COP1: variants seen among roughly 807,000 people sequenced by gnomAD.
COP1 encodes E3 ubiquitin-protein ligase COP1.
In COP1, 24 loss-of-function variants were observed where a neutral mutation model predicts 101.3. The ratio of observed to expected loss-of-function variants is 0.24; its 90% CI spans 0.17 to 0.33. COP1 has a LOEUF of 0.33. Ranked by LOEUF, COP1 falls within the 10% of genes least tolerant of loss-of-function variation. The pLI, the probability that COP1 is intolerant of heterozygous loss-of-function variation, is 1.00. For synonymous variants in COP1, 347 were observed against 341.9 expected, an observed-to-expected ratio of 1.01 and a Z score of -0.17; for missense variants, 663 against 906.2, an observed-to-expected ratio of 0.73 and a Z score of 3.45.
chr1:175,985,473 C>T (rs1391384506), intron 18 of COP1, among the ~76,000 whole-genome samples: 1 of 152,196 alleles, frequency 6.6e-6, no homozygotes, highest in Non-Finnish European at 1.5e-5. Context: ...CAGATGCAAT[C>T]GCTATGAAGA....
chr1:176,197,718 A>T (rs1228827220), intron 1 of COP1, among the ~76,000 whole-genome samples: 1 of 152,224 alleles, frequency 6.6e-6, no homozygotes, highest in Non-Finnish European at 1.5e-5. Flanking sequence ...TATAAATTTA[A>T]AAGATGTAAA....
intron 15 of COP1, among the ~76,000 whole-genome samples, chr1:175,993,508 C>T (rs561344519): frequency 4.6e-5 from 7 of 152,104 alleles, no homozygotes; most frequent in East Asian, 1.9e-4. Flanking sequence ...AAAATTTAGA[C>T]GAATGTATAA....
In COP1 at chr1:176,207,189, T is replaced by G. The variant is rs1184430037; in HGVS notation, c.-211A>C. Reference sequence around the variant, plus strand: ...GGCGGAGGAAACTAAAAAAGCGGAGTAGAAGGCACTACCGCTGTCGAGGCC... The same window carrying G: ...GGCGGAGGAAACTAAAAAAGCGGAGGAGAAGGCACTACCGCTGTCGAGGCC... On this transcript the variant is annotated 5_prime_UTR_variant, in exon 1 of 20. Coordinates refer to ENST00000367669, the MANE Select transcript of COP1 (RefSeq NM_022457.7). 5 of 413,254 alleles carry G rather than the reference T, an allele frequency of 1.2e-5. No individual in the cohort carries two copies. The Middle Eastern group carries it at 2.5e-3, about 206-fold the overall frequency. The allele number at this position is 413,254 out of a possible 1,614,324, so 25.6% of individuals were successfully genotyped here. A position where few individuals can be genotyped will look rare whatever the true frequency, so the allele number is the denominator to read the frequency against.
At chr1:175,991,563 C>T (rs1658470192) in intron 15 of COP1, among the ~76,000 whole-genome samples, 1 of 152,098 alleles carries the variant, frequency 6.6e-6, no homozygotes, top group South Asian at 2.1e-4. Context: ...AATAAATCAA[C>T]CTTACCTTAC....
chr1:176,004,107 G>A (rs906507894), intron 15 of COP1, among the ~76,000 whole-genome samples: 11 of 150,310 alleles, frequency 7.3e-5, no homozygotes, highest in Non-Finnish European at 1.2e-4. Flanking sequence ...TATTCTCTTT[G>A]AAGCAATTGT....
At chr1:176,103,246 G>T (rs1683715672) in intron 9 of COP1, among the ~76,000 whole-genome samples, 1 of 152,186 alleles carries the variant, frequency 6.6e-6, no homozygotes, top group Non-Finnish European at 1.5e-5. Context: ...ATTTAGTGAA[G>T]TGACTTAGGG....
At chr1:175,999,872 T>G (rs1365836196) in intron 15 of COP1, among the ~76,000 whole-genome samples, 1 of 152,140 alleles carries the variant, frequency 6.6e-6, no homozygotes, top group African/African-American at 2.4e-5. Context: ...TGTTGAGCAC[T>G]TTTACATATA....
chr1:176,073,063 T>C (rs971730362), intron 11 of COP1, among the ~76,000 whole-genome samples: 3 of 152,338 alleles, frequency 2.0e-5, no homozygotes, highest in Middle Eastern at 6.8e-3. Flanking sequence ...GTTCTGTCTA[T>C]TATTGGCATT....
chr1:176,165,497 C>A (rs1187122485), intron 3 of COP1, among the ~76,000 whole-genome samples: 2 of 151,782 alleles, frequency 1.3e-5, no homozygotes, highest in African/African-American at 4.8e-5. Context: ...GAGTTCGAGA[C>A]CAGCCTGGCC....
chr1:176,058,743 A>G (rs1674299813), intron 11 of COP1, among the ~76,000 whole-genome samples: 1 of 149,122 alleles, frequency 6.7e-6, no homozygotes, highest in Non-Finnish European at 1.5e-5. Context: ...GAAACACCCA[A>G]GAATGATCAA....
intron 9 of COP1, among the ~76,000 whole-genome samples, chr1:176,101,564 CAG>C (rs1038526808): frequency 4.6e-5 from 7 of 152,136 alleles, no homozygotes; most frequent in African/African-American, 1.7e-4. Context: ...GGATTGGGCT[CAG>C]GGGAAGGGAA....
intron 8 of COP1, among the ~76,000 whole-genome samples, chr1:176,130,761 T>C (rs1236764329): frequency 2.0e-5 from 3 of 151,630 alleles, no homozygotes; most frequent in Admixed American, 6.6e-5. Context: ...TATAAATACA[T>C]AAAAATGTGG....
intron 15 of COP1, among the ~76,000 whole-genome samples, chr1:176,008,210 G>A (rs1248631762): frequency 6.6e-6 from 1 of 152,116 alleles, no homozygotes; most frequent in Non-Finnish European, 1.5e-5. Flanking sequence ...GCTCGCGCAC[G>A]GTGCACGCAC....
At chr1:175,966,042 A>G (rs889305201) in intron 18 of COP1, among the ~76,000 whole-genome samples, 7 of 152,170 alleles carry the variant, frequency 4.6e-5, no homozygotes, top group African/African-American at 1.7e-4. Flanking sequence ...AGGTTTTTAA[A>G]TGCCATTTGT....
At chr1:176,135,283 C>G (rs1404876350) in intron 7 of COP1, among the ~76,000 whole-genome samples, 197 bp from the exon 8 acceptor site, 1 of 152,048 alleles carries the variant, frequency 6.6e-6, no homozygotes, top group East Asian at 1.9e-4. Context: ...AAGCCTTTTC[C>G]ATGGTACACA....
At chr1:176,118,843 A>C (rs1686634235) in intron 8 of COP1, among the ~76,000 whole-genome samples, 1 of 152,184 alleles carries the variant, frequency 6.6e-6, no homozygotes, top group African/African-American at 2.4e-5. Context: ...ACCCCCAAAT[A>C]CTCTGACTTG....
At chr1:176,073,764 T>G (rs1253772066) in intron 11 of COP1, among the ~76,000 whole-genome samples, 1 of 152,146 alleles carries the variant, frequency 6.6e-6, no homozygotes, top group African/African-American at 2.4e-5. Context: ...TGGTCTTAAC[T>G]CCAAATAAGC....
chr1:176,192,026 T>A (rs987497185), intron 1 of COP1, among the ~76,000 whole-genome samples: 1 of 151,802 alleles, frequency 6.6e-6, no homozygotes, highest in African/African-American at 2.4e-5. Context: ...CACAATGGAG[T>A]AGGAAGGAAA....
At chr1:176,149,965 A>G (rs1046027369) in intron 5 of COP1, among the ~76,000 whole-genome samples, 1 of 152,194 alleles carries the variant, frequency 6.6e-6, no homozygotes, top group Non-Finnish European at 1.5e-5. Flanking sequence ...GGAAAAAAAG[A>G]TTAATAAAAC....
Sources: allele counts gnomAD v4.1 joint callset (sites outside exome capture counted in the v4.1 genomes callset), GRCh38; gene constraint gnomAD v4.1.1; transcripts MANE v1.5; gene names NCBI Gene and HGNC (gene_info 2026-07-23, HGNC 2026-07-21).